DDX60L: variants seen among roughly 807,000 people sequenced by gnomAD.
The protein encoded by DDX60L is DExD/H-box 60 like.
In DDX60L, 191 loss-of-function variants were observed where a neutral mutation model predicts 211.6. That is an observed-to-expected ratio of 0.90 (90% CI 0.80 to 1.02). DDX60L has a LOEUF of 1.02. Ranked by LOEUF, DDX60L falls within the 50% of genes least tolerant of loss-of-function variation. The pLI, the probability that DDX60L is intolerant of heterozygous loss-of-function variation, is 0.00. For synonymous variants in DDX60L, 706 were observed against 694.1 expected, an observed-to-expected ratio of 1.02 and a Z score of -0.27; for missense variants, 2,007 against 1,984.1, an observed-to-expected ratio of 1.01 and a Z score of -0.22.
At chr4:168,407,120 T>C (rs1040735908) in intron 22 of DDX60L, among the ~76,000 whole-genome samples, 1 of 152,150 alleles carries the variant, frequency 6.6e-6, no homozygotes, top group African/African-American at 2.4e-5. Flanking sequence ...GACATTAAAA[T>C]GTGTTTAGTG....
At position 168,432,563 on chromosome 4, in the gene DDX60L, G is replaced by T; in HGVS notation, c.1408C>A (p.Pro470Thr). 6.4e-7 allele frequency: 1 copy of T among 1,553,046 alleles called. No homozygotes were observed. Among genetic ancestry groups the T allele is most frequent in the South Asian group, 1.2e-5 (1 of 81,024 alleles). The change falls in exon 12 of 38, where the codon CCG becomes ACG. Residue 470 changes from proline (P) to threonine (T), a missense_variant. Transcript: ENST00000682922. Reference sequence around the variant, plus strand: ...TGTTTAAACAGTGAAGGAACAACCGGATCATCACTGTAAAAATAAATACAT... The same window carrying T: ...TGTTTAAACAGTGAAGGAACAACCGTATCATCACTGTAAAAATAAATACAT... ...KDLPILKSDD[P>T]VVPSLFKQKT...
At chr4:168,366,764 G>T (rs1248725081) in intron 36 of DDX60L, among the ~76,000 whole-genome samples, 2 of 151,990 alleles carry the variant, frequency 1.3e-5, no homozygotes, top group African/African-American at 4.8e-5. Flanking sequence ...AAAACAGTAT[G>T]ATTCCATCAT....
rs540502692 is a variant in DDX60L at position 168,384,827 on chromosome 4, G to T, written c.3916-15C>A. 15 of 1,606,298 alleles carry T rather than the reference G, an allele frequency of 9.3e-6. No individual in the cohort carries two copies. In the East Asian group the frequency reaches 2.9e-4, roughly 31 times the overall value. ...CGACCAGACATCTGGAAGCAGCAAA[G>T]AATCACAATGTAAAACCTCCACAGA... On this transcript the variant is annotated splice_polypyrimidine_tract_variant and intron_variant, in intron 29 of 37. Transcript: ENST00000682922.
intron 8 of DDX60L, among the ~76,000 whole-genome samples, chr4:168,449,333 G>A (rs905911658): frequency 1.0e-4 from 15 of 150,412 alleles, no homozygotes; most frequent in Non-Finnish European, 1.2e-4. Flanking sequence ...GATGAAATTG[G>A]AAACCATCAT....
chr4:168,464,030 T>C (rs767808324), intron 4 of DDX60L, among the ~76,000 whole-genome samples: 2 of 152,152 alleles, frequency 1.3e-5, no homozygotes, highest in Non-Finnish European at 2.9e-5. Flanking sequence ...AAGTGCTTCC[T>C]AGAATTTAAG....
At chr4:168,404,847 G>A (rs1747463008) in intron 24 of DDX60L, among the ~76,000 whole-genome samples, 1 of 152,066 alleles carries the variant, frequency 6.6e-6, no homozygotes, top group Non-Finnish European at 1.5e-5. Flanking sequence ...TGGCTATCAT[G>A]AATAATTTTC....
At chr4:168,431,088 T>C (rs2149939290) in intron 12 of DDX60L, among the ~76,000 whole-genome samples, 1 of 152,330 alleles carries the variant, frequency 6.6e-6, no homozygotes. Context: ...CAGAAAAAGT[T>C]TGTTGACTCC....
intron 10 of DDX60L, among the ~76,000 whole-genome samples, chr4:168,435,546 G>C (rs765908914): frequency 5.9e-5 from 9 of 152,116 alleles, no homozygotes; most frequent in Non-Finnish European, 1.0e-4. Context: ...TCCAGAGGTG[G>C]TTTCATTGTT....
intron 35 of DDX60L, among the ~76,000 whole-genome samples, chr4:168,372,043 AG>A (rs148507556): frequency 0.015 from 2,297 of 152,278 alleles, 52 homozygotes; most frequent in African/African-American, 0.052. Flanking sequence ...AGCATACTGA[AG>A]GCAATTTCAA....
Position 168,375,485 on chromosome 4 carries a change from A to G in DDX60L, c.4525T>C (p.Leu1509=). 1 of 1,612,690 alleles carries G rather than the reference A, an allele frequency of 6.2e-7. No homozygotes were observed. Among genetic ancestry groups the G allele is most frequent in the Non-Finnish European group, 8.5e-7 (1 of 1,179,354 alleles). The change falls in exon 34 of 38, where the codon TTA becomes CTA. Residue 1509 remains leucine, a synonymous_variant. Coordinates refer to ENST00000682922, the MANE Select transcript of DDX60L (RefSeq NM_001012967.3). ...AELPEDFKAA[L]YEYNLAVMKD... is the part of the protein sequence containing the mutation. Reference sequence around the variant, plus strand: ...ATTACTGCCAGGTTATACTCATATAAAGCAGCTTTAAAATCCTCCGGGAGT... The same window carrying G: ...ATTACTGCCAGGTTATACTCATATAGAGCAGCTTTAAAATCCTCCGGGAGT...
Position 168,452,764 on chromosome 4 carries a change from T to C in DDX60L, c.996+360A>G, listed in dbSNP as rs138128847. ...TAGGAGTACATATTATTATTTTTTC[T>C]TCAATTTTTAACTTTCCTTTAATAC... On this transcript the variant is annotated intron_variant, in intron 8 of 37. Coordinates refer to ENST00000682922, the MANE Select transcript of DDX60L (RefSeq NM_001012967.3). 3.3e-5 allele frequency among the ~76,000 whole-genome samples: 5 copies of C among 152,274 alleles called. No homozygotes were observed. The East Asian group carries it at 9.6e-4, about 29-fold the overall frequency.
intron 9 of DDX60L, among the ~76,000 whole-genome samples, chr4:168,444,605 CA>C (rs1382399193): frequency 7.4e-6 from 1 of 134,266 alleles, no homozygotes; most frequent in Non-Finnish European, 1.6e-5. Flanking sequence ...ACACCTATTC[CA>C]AAATTGACCA....
Position 168,432,987 on chromosome 4 carries a change from C to T in DDX60L, c.1400+23G>A, listed in dbSNP as rs373230557. 5 of 1,469,906 alleles carry T rather than the reference C, an allele frequency of 3.4e-6. No homozygotes were observed. The African/African-American group carries it at 5.6e-5, about 16-fold the overall frequency. 91.1% of individuals were successfully genotyped at this position (1,469,906 alleles called of 1,614,324 possible). ...TATTTTCAAGTTGATGGCACTAAAT[C>T]AGGTACTTCATTAACTCTGTACCTC... On this transcript the variant is annotated intron_variant, in intron 11 of 37. Coordinates refer to ENST00000682922, the MANE Select transcript of DDX60L (RefSeq NM_001012967.3).
At chr4:168,386,223 A>G in intron 29 of DDX60L, among the ~76,000 whole-genome samples, 1 of 152,276 alleles carries the variant, frequency 6.6e-6, no homozygotes, top group South Asian at 2.1e-4. Context: ...GAAGCGGGGA[A>G]TTCCAACCAC....
chr4:168,369,103 G>A (rs1198600249), intron 36 of DDX60L, among the ~76,000 whole-genome samples: 1 of 152,136 alleles, frequency 6.6e-6, no homozygotes, highest in East Asian at 1.9e-4. Flanking sequence ...TGAGATTTGG[G>A]AGGGGCCAGG....
intron 1 of DDX60L, chr4:168,476,056 G>C (rs549671026): frequency 2.0e-5 from 3 of 152,082 alleles, no homozygotes; most frequent in African/African-American, 7.2e-5. Flanking sequence ...CCAGAATAGT[G>C]AGAAATAAAT....
In DDX60L at chr4:168,471,956, G is replaced by T; in HGVS notation, c.75-20C>A. 6.5e-7 allele frequency: 1 copy of T among 1,536,144 alleles called. No homozygotes were observed. Among genetic ancestry groups the T allele is most frequent in the Non-Finnish European group, 8.8e-7 (1 of 1,131,894 alleles). ...GAATACCTAAAATAAAAATCAAAGA[G>T]AATAAAAATCACAGATGTTTCACAG... On this transcript the variant is annotated intron_variant, in intron 3 of 37. Transcript: ENST00000682922.
intron 17 of DDX60L, among the ~76,000 whole-genome samples, chr4:168,420,617 C>T (rs958100626): frequency 1.8e-5 from 2 of 113,478 alleles, no homozygotes; most frequent in African/African-American, 7.5e-5. Flanking sequence ...CACACATACA[C>T]ACACACACAC....
chr4:168,478,454 C>A (rs888854065), intron 1 of DDX60L, among the ~76,000 whole-genome samples: 8 of 151,968 alleles, frequency 5.3e-5, no homozygotes, highest in African/African-American at 1.9e-4. Context: ...ATTGTATTTC[C>A]AAATAAACTA....
Sources: allele counts gnomAD v4.1 joint callset (sites outside exome capture counted in the v4.1 genomes callset), GRCh38; gene constraint gnomAD v4.1.1; transcripts MANE v1.5; gene names NCBI Gene and HGNC (gene_info 2026-07-23, HGNC 2026-07-21).